The following RALGPS2 variants were observed in gnomAD, a reference collection of about 807,000 sequenced individuals.
RALGPS2 encodes Ral GEF with PH domain and SH3 binding motif 2.
Under a neutral mutation model 86.8 loss-of-function variants are expected in RALGPS2, and 43 were observed. The observed-to-expected ratio is 0.50, with a 90% CI of 0.39 to 0.64. The LOEUF (loss-of-function observed/expected upper bound fraction) is 0.64. Among genes scored for constraint, RALGPS2 ranks in the 30% least tolerant of loss-of-function variants. The probability of loss-of-function intolerance (pLI) is 0.00; values close to 1 mark genes in which losing one functional copy is unlikely to be tolerated. For missense variants in RALGPS2, 536 were observed against 694.6 expected (o/e 0.77, Z 2.57); for synonymous variants, 243 against 231.3 (o/e 1.05, Z -0.46).
At chr1:178,725,866 C>A (rs1374274529) in intron 1 of RALGPS2, 1 of 152,426 alleles carries the variant, frequency 6.6e-6, no homozygotes, top group Non-Finnish European at 1.5e-5. Context: ...GGGCCACACC[C>A]CCTCCCCTGG....
Position 178,761,560 on chromosome 1 carries a change from T to C in RALGPS2, c.-83-15122T>C, listed in dbSNP as rs115806491. Among the ~76,000 whole-genome samples the C allele has an allele frequency of 9.1e-3, 1,386 of 151,964 alleles. 24 individuals carry two copies. Among genetic ancestry groups the C allele is most frequent in the African/African-American group, 0.029 (1,219 of 41,528 alleles). On this transcript the variant is annotated intron_variant, in intron 1 of 19. Transcript: ENST00000367635. ...GATAAAGCTTTCAATTGTTTTTATT[T>C]GTTTGTTTGTTTGTTTTTTAGGCAG...
In RALGPS2 at chr1:178,746,226, T is replaced by C. The variant is rs372396799; in HGVS notation, c.-84+20807T>C. 3.7e-3 allele frequency among the ~76,000 whole-genome samples: 560 copies of C among 152,358 alleles called. 5 individuals are homozygous for C. The highest frequency in any genetic ancestry group is 0.012 in the African/African-American group (507 of 41,590). On this transcript the variant is annotated intron_variant, in intron 1 of 19. Transcript: ENST00000367635. Reference sequence around the variant, plus strand: ...GTCTTGTATATAGAATATATACTAATGAACTCTCAACACCAACAATCCAAC... The same window carrying C: ...GTCTTGTATATAGAATATATACTAACGAACTCTCAACACCAACAATCCAAC...
chr1:178,775,761 A>G (rs570490405), intron 1 of RALGPS2, among the ~76,000 whole-genome samples: 12 of 152,220 alleles, frequency 7.9e-5, no homozygotes, highest in African/African-American at 2.9e-4. Context: ...AATTAGTGTT[A>G]TTGGTAGTTG....
rs529671941 is a variant in RALGPS2, at chr1:178,839,975, A to T, written c.607+6425A>T. ...ACTATCCTAAATATATATGCACCCAATACAGGAGCACCCAGATTCATAAAG... is the reference window on the plus strand; with the variant it reads ...ACTATCCTAAATATATATGCACCCATTACAGGAGCACCCAGATTCATAAAG... On this transcript the variant is annotated intron_variant, in intron 8 of 19. Transcript: ENST00000367635. 1.8e-3 allele frequency among the ~76,000 whole-genome samples: 276 copies of T among 152,338 alleles called. 1 individual carries two copies. The highest frequency in any genetic ancestry group is 3.6e-3 in the African/African-American group (149 of 41,578).
At chr1:178,774,164 A>G (rs767334248) in intron 1 of RALGPS2, among the ~76,000 whole-genome samples, 11 of 152,080 alleles carry the variant, frequency 7.2e-5, no homozygotes, top group Non-Finnish European at 1.5e-4. Context: ...AATCCCAGCT[A>G]CTCAGGAGGC....
In RALGPS2 at chr1:178,918,121, C is replaced by T. The variant is rs941175995; in HGVS notation, c.*1762C>T. ...GAGTTCAAATATGCTTCTTATGTAA[C>T]AGAAATACCATTATTTCTGGGGTTT... On this transcript the variant is annotated 3_prime_UTR_variant, in exon 20 of 20. Transcript: ENST00000367635. 2.0e-5 allele frequency: 3 copies of T among 152,032 alleles called. No homozygotes were observed. Among genetic ancestry groups the T allele is most frequent in the Non-Finnish European group, 4.4e-5 (3 of 67,962 alleles). The allele number at this position is 152,032 out of a possible 1,614,324, so 9.4% of individuals were successfully genotyped here.
In RALGPS2 at chr1:178,885,188, G is replaced by A. The variant is rs1214263661; in HGVS notation, c.1017G>A (p.Arg339=). 6.2e-7 allele frequency: 1 copy of A among 1,613,372 alleles called. No homozygotes were observed. The highest frequency in any genetic ancestry group is 1.1e-5 in the South Asian group (1 of 90,896). The change falls in exon 12 of 20, where the codon AGG becomes AGA. Residue 339 remains arginine (R), a synonymous_variant. Transcript: ENST00000367635. ...SPRNLIPHGH[R]KCHSLGYNFI... Reference sequence around the variant, plus strand: ...GGAATCTGATTCCACATGGACATAGGAAGTGCCATAGTTTGGGTTATAAGT... The same window carrying A: ...GGAATCTGATTCCACATGGACATAGAAAGTGCCATAGTTTGGGTTATAAGT...
At chr1:178,787,463 C>A (rs1373043564) in intron 4 of RALGPS2, among the ~76,000 whole-genome samples, 1 of 152,180 alleles carries the variant, frequency 6.6e-6, no homozygotes, top group Non-Finnish European at 1.5e-5. Context: ...AGATATCTTA[C>A]ATTCTTTTTT....
intron 1 of RALGPS2, chr1:178,726,124 T>C (rs1004525901): frequency 3.9e-5 from 6 of 152,140 alleles, no homozygotes; most frequent in African/African-American, 1.4e-4. Context: ...AAAAGGAGAT[T>C]CCGAACGTAT....
At chr1:178,851,518 A>C (rs979772549) in intron 8 of RALGPS2, among the ~76,000 whole-genome samples, 1 of 151,436 alleles carries the variant, frequency 6.6e-6, no homozygotes, top group Non-Finnish European at 1.5e-5. Context: ...GCCTTTTTTT[A>C]ACTCTTTGCT....
intron 1 of RALGPS2, among the ~76,000 whole-genome samples, chr1:178,758,179 T>C (rs1019155203): frequency 6.6e-6 from 1 of 152,124 alleles, no homozygotes; most frequent in African/African-American, 2.4e-5. Flanking sequence ...CCTTTCTTCT[T>C]AGTTTATCTA....
chr1:178,796,050 A>G (rs1654173913), intron 4 of RALGPS2, among the ~76,000 whole-genome samples: 1 of 152,188 alleles, frequency 6.6e-6, no homozygotes, highest in South Asian at 2.1e-4. Context: ...AGTTTGTATT[A>G]CTGCTGTTCA....
Position 178,853,747 on chromosome 1 carries a change from A to G in RALGPS2, c.607+20197A>G, listed in dbSNP as rs1358532602. On this transcript the variant is annotated intron_variant, in intron 8 of 19. Transcript: ENST00000367635. ...TAATCATATAAATCCCACTGACCGA[A>G]TGCCCAGCTTCTTTTGCTTGCTGAC... 8.7e-6 allele frequency: 14 copies of G among 1,603,438 alleles called. 1 individual carries two copies. In the South Asian group the frequency reaches 1.0e-4, roughly 12 times the overall value.
At chr1:178,775,280 G>A (rs1189314740) in intron 1 of RALGPS2, among the ~76,000 whole-genome samples, 1 of 152,132 alleles carries the variant, frequency 6.6e-6, no homozygotes, top group Non-Finnish European at 1.5e-5. Flanking sequence ...CAGAGGTAAT[G>A]TGGTTCCAAA....
intron 8 of RALGPS2, among the ~76,000 whole-genome samples, chr1:178,844,130 G>T (rs1180633818): frequency 1.3e-5 from 2 of 152,126 alleles, no homozygotes; most frequent in African/African-American, 4.8e-5. Flanking sequence ...AACTCATTAT[G>T]CAAATTGGTA....
intron 8 of RALGPS2, among the ~76,000 whole-genome samples, chr1:178,845,562 A>G (rs80297751): frequency 0.044 from 6,674 of 152,296 alleles, 255 homozygotes; most frequent in African/African-American, 0.1. Context: ...TCTTGGTTCA[A>G]CTAATTATCC....
intron 8 of RALGPS2, among the ~76,000 whole-genome samples, chr1:178,858,505 T>A (rs1281805108): frequency 6.6e-6 from 1 of 152,208 alleles, no homozygotes; most frequent in East Asian, 1.9e-4. Flanking sequence ...AGGTATAAAC[T>A]GGAATTACCT....
At chr1:178,877,012 A>G (rs900414531) in intron 8 of RALGPS2, among the ~76,000 whole-genome samples, 34 of 152,182 alleles carry the variant, frequency 2.2e-4, no homozygotes, top group African/African-American at 7.7e-4. Flanking sequence ...CAAATATTAA[A>G]TAATTTCCCT....
Position 178,877,520 on chromosome 1 carries a change from A to G in RALGPS2, c.630A>G (p.Thr210=), listed in dbSNP as rs145765941. ...CAGGTATCTATTTGTCAGATTTAAC[A>G]TACATCGATTCAGCATACCCATCAA... ...PYLGIYLSDL[T]YIDSAYPSTG... Residue 210 remains threonine (T), a synonymous_variant, in exon 9 of 20, where the codon ACA becomes ACG. Coordinates refer to ENST00000367635, the MANE Select transcript of RALGPS2 (RefSeq NM_152663.5). 3 of 1,613,534 alleles carry G rather than the reference A, an allele frequency of 1.9e-6. No homozygotes were observed. Among genetic ancestry groups the G allele is most frequent in the Non-Finnish European group, 2.5e-6 (3 of 1,179,592 alleles).
Sources: allele counts gnomAD v4.1 joint callset (sites outside exome capture counted in the v4.1 genomes callset), GRCh38; gene constraint gnomAD v4.1.1; transcripts MANE v1.5; gene names NCBI Gene and HGNC (gene_info 2026-07-23, HGNC 2026-07-21).